SSC5D: variants seen among roughly 807,000 people sequenced by gnomAD.
SSC5D encodes scavenger receptor cysteine rich family member with 5 domains.
SSC5D carries 106 observed loss-of-function variants against 104.6 expected under a neutral mutation model. The ratio of observed to expected loss-of-function variants is 1.01; its 90% CI spans 0.87 to 1.19. The LOEUF (loss-of-function observed/expected upper bound fraction) is 1.19. Ranked by LOEUF, SSC5D falls within the 50% of genes most tolerant of loss-of-function variation. SSC5D has a pLI of 0.00. For synonymous variants in SSC5D, 860 were observed against 883.5 expected (o/e 0.97, Z 0.47); for missense variants, 1,993 against 2,153.8 (o/e 0.93, Z 1.48).
chr19:55,511,549 G>T (rs1987756781), intron 12 of SSC5D, among the ~76,000 whole-genome samples: 1 of 152,178 alleles, frequency 6.6e-6, no homozygotes, highest in Non-Finnish European at 1.5e-5. Flanking sequence ...AAATATGGCT[G>T]CTATGAACTC....
chr19:55,506,544 ACCACT>A (rs1987640751), intron 12 of SSC5D, among the ~76,000 whole-genome samples: 2 of 151,508 alleles, frequency 1.3e-5, no homozygotes, highest in Non-Finnish European at 2.9e-5. Flanking sequence ...ACAGGCGCCC[ACCACT>A]ATGCCCGGCT....
In SSC5D at chr19:55,493,994, G is replaced by GGGGGGGGGGGGGGGC; in HGVS notation, c.1213+82_1213+83insGGGGGGGGGGGGGGC. On this transcript the variant is annotated intron_variant, in intron 7 of 13. Coordinates refer to ENST00000389623, the MANE Select transcript of SSC5D (RefSeq NM_001144950.2). ...GGGCAAGTTCGGCGGGGGCGGGGGGGTCCCTACGCGCCCTTCCTGCCCTCT... is the reference window on the plus strand; with the variant it reads ...GGGCAAGTTCGGCGGGGGCGGGGGGGGGGGGGGGGGGGGGCTCCCTACGCGCCCTTCCTGCCCTCT... The GGGGGGGGGGGGGGGC allele has an allele frequency of 1.1e-4, 16 of 143,314 alleles. 4 individuals carry two copies. The highest frequency in any genetic ancestry group is 5.5e-4 in the South Asian group (7 of 12,758). The allele number at this position is 143,314 out of a possible 1,614,324, so 8.9% of individuals were successfully genotyped here. A position where few individuals can be genotyped will look rare whatever the true frequency, so the allele number is the denominator to read the frequency against.
In SSC5D at chr19:55,518,428, G is replaced by A. The variant is rs1987943978; in HGVS notation, c.4152G>A (p.Glu1384=). ...CCACATCCCAGATACCCACCTTAGA[G>A]CCCTCTCCAGCCTTGGAGTCCAGCC... The part of the protein sequence containing the change: ...HTSTSQIPTL[E]PSPALESSPS... The change falls in exon 14 of 14, where the codon GAG becomes GAA. Residue 1384 remains glutamate (E), a synonymous_variant. Transcript: ENST00000389623. 1 of 1,550,840 alleles carries A rather than the reference G, an allele frequency of 6.4e-7. No homozygotes were observed. Among genetic ancestry groups the A allele is most frequent in the East Asian group, 2.4e-5 (1 of 40,856 alleles).
intron 13 of SSC5D, among the ~76,000 whole-genome samples, chr19:55,513,443 G>A (rs2123457513): frequency 6.6e-6 from 1 of 152,266 alleles, no homozygotes; most frequent in South Asian, 2.1e-4. Flanking sequence ...AGCTGGGTGT[G>A]GTGGTACGCA....
chr19:55,499,388 C>T (rs1232689456), intron 9 of SSC5D, among the ~76,000 whole-genome samples: 2 of 152,198 alleles, frequency 1.3e-5, no homozygotes, highest in Non-Finnish European at 2.9e-5. Context: ...CACGGGGGCA[C>T]CACAGAAGGA....
chr19:55,496,869 C>A (rs1373798448), intron 8 of SSC5D, among the ~76,000 whole-genome samples: 1 of 152,090 alleles, frequency 6.6e-6, no homozygotes, highest in Admixed American at 6.5e-5. Flanking sequence ...CCTGCCTCAG[C>A]CTCCGGAGTA....
chr19:55,489,732 G>A (rs1338770881), intron 3 of SSC5D, 70 bp downstream of exon 3: 20 of 1,510,662 alleles, frequency 1.3e-5, no homozygotes, highest in Non-Finnish European at 1.8e-6. Context: ...CAAGTCCTTA[G>A]CCCCAGCAAG....
chr19:55,510,771 TTATG>T (rs1987740253), intron 12 of SSC5D, among the ~76,000 whole-genome samples: 1 of 152,146 alleles, frequency 6.6e-6, no homozygotes, highest in South Asian at 2.1e-4. Flanking sequence ...TGGTTTGCTT[TTATG>T]TTTGTTTGCT....
At chr19:55,506,552 GC>G (rs1425825964) in intron 12 of SSC5D, among the ~76,000 whole-genome samples, 1 of 151,714 alleles carries the variant, frequency 6.6e-6, no homozygotes, top group Non-Finnish European at 1.5e-5. Context: ...CCACCACTAT[GC>G]CCGGCTAATT....
intron 12 of SSC5D, among the ~76,000 whole-genome samples, chr19:55,507,830 C>T (rs2123452429): frequency 6.6e-6 from 1 of 152,074 alleles, no homozygotes; most frequent in South Asian, 2.1e-4. Flanking sequence ...GAAACGGTGG[C>T]AGCGGGGGAG....
At chr19:55,491,143 T>G in intron 6 of SSC5D, 63 bp downstream of exon 6, 2 of 1,485,882 alleles carry the variant, frequency 1.3e-6, no homozygotes, top group Non-Finnish European at 1.8e-6. Flanking sequence ...CTCTTGCCCC[T>G]CCAGGAAGCT....
intron 12 of SSC5D, among the ~76,000 whole-genome samples, chr19:55,512,635 C>T (rs1987783788): frequency 6.6e-6 from 1 of 152,008 alleles, no homozygotes; most frequent in Admixed American, 6.6e-5. Context: ...GCGTGTGCCA[C>T]CATACCCAGC....
chr19:55,516,093 AGG>A (rs1217801774), intron 13 of SSC5D, among the ~76,000 whole-genome samples: 1 of 151,992 alleles, frequency 6.6e-6, no homozygotes, highest in Non-Finnish European at 1.5e-5. Flanking sequence ...CCAAAATTTA[AGG>A]GGGTGCCCAA....
chr19:55,493,987 C>CGGGGA (rs1555764745), intron 7 of SSC5D, 75 bp downstream of exon 7: 1 of 206,422 alleles, frequency 4.8e-6, no homozygotes, highest in Non-Finnish European at 6.9e-6. Context: ...TCGGCGGGGG[C>CGGGGA]GGGGGGGTCC....
rs1254913701 is a variant in SSC5D, at chr19:55,489,551, C to T, written c.250C>T (p.Leu84Phe). ...FFGEGAGPVW[L>F]SELACRGNEG... is the part of the protein sequence containing the mutation. ...CGGGGAGGGGGCAGGGCCTGTGTGG[C>T]TCAGCGAGCTGGCTTGCCGGGGCAA... is the stretch of plus-strand genomic sequence containing the variant. Residue 84 changes from leucine to phenylalanine, a missense_variant, in exon 3 of 14, where the codon CTC becomes TTC. This residue lies in a region of SSC5D where 1,101 missense variants were observed against 1,085.0 expected (regional missense o/e 1.01). Coordinates refer to ENST00000389623, the MANE Select transcript of SSC5D (RefSeq NM_001144950.2). The T allele has an allele frequency of 6.7e-7, 1 of 1,500,140 alleles. No homozygotes were observed. The highest frequency in any genetic ancestry group is 2.2e-5 in the Admixed American group (1 of 46,178). 92.9% of individuals were successfully genotyped at this position (1,500,140 alleles called of 1,614,324 possible). A position where few individuals can be genotyped will look rare whatever the true frequency, so the allele number is the denominator to read the frequency against.
At chr19:55,494,512 G>T in intron 7 of SSC5D, 98 bp from the exon 8 acceptor site, 1 of 1,321,744 alleles carries the variant, frequency 7.6e-7, no homozygotes, top group Non-Finnish European at 1.0e-6. Context: ...TCTGCGTGCA[G>T]CTGAGAGGAC....
chr19:55,511,593 G>T (rs187019023), intron 12 of SSC5D, among the ~76,000 whole-genome samples: 1 of 152,328 alleles, frequency 6.6e-6, no homozygotes, highest in East Asian at 1.9e-4. Context: ...TCATGGGTAA[G>T]GATTTCTCAG....
Position 55,493,806 on chromosome 19 carries a change from C to T in SSC5D, c.1107C>T (p.Asp369=), listed in dbSNP as rs780239643. 17 of 1,549,046 alleles carry T rather than the reference C, an allele frequency of 1.1e-5. No individual in the cohort carries two copies. The highest frequency in any genetic ancestry group is 2.4e-5 in the East Asian group (1 of 40,834). Residue 369 remains aspartate, a synonymous_variant, in exon 7 of 14, where the codon GAC becomes GAT. Coordinates refer to ENST00000389623, the MANE Select transcript of SSC5D (RefSeq NM_001144950.2). ...FGEGSGPIIL[D]DLRCRGNETA... ...AGGGGTCTGGACCCATCATCCTGGA[C>T]GACCTTCGGTGTCGGGGAAACGAGA...
intron 13 of SSC5D, among the ~76,000 whole-genome samples, chr19:55,515,911 A>T (rs1283963010): frequency 6.6e-6 from 1 of 152,086 alleles, no homozygotes; most frequent in Non-Finnish European, 1.5e-5. Flanking sequence ...CTATGTGCAA[A>T]CAACTTGGGT....
Sources: allele counts gnomAD v4.1 joint callset (sites outside exome capture counted in the v4.1 genomes callset), GRCh38; gene constraint gnomAD v4.1.1; regional missense constraint gnomAD v4.1.1; transcripts MANE v1.5; gene names NCBI Gene and HGNC (gene_info 2026-07-23, HGNC 2026-07-21).